Variants in SGK3 observed in about 807,000 individuals in gnomAD.
SGK3 encodes serum/glucocorticoid regulated kinase family member 3, also known as serine/threonine-protein kinase Sgk3.
Under a neutral mutation model 68.5 loss-of-function variants are expected in SGK3, and 47 were observed. That is an observed-to-expected ratio of 0.69 (90% CI 0.54 to 0.87). The LOEUF (loss-of-function observed/expected upper bound fraction) is 0.87, where lower values mean the gene tolerates loss of function less well. Among genes scored for constraint, SGK3 ranks in the 40% least tolerant of loss-of-function variants. SGK3 has a pLI of 0.00. For missense variants in SGK3, 479 were observed against 575.5 expected (o/e 0.83, Z 1.72); for synonymous variants, 181 against 189.1 (o/e 0.96, Z 0.35).
chr8:66,791,864 T>C (rs907233085), intron 1 of SGK3, among the ~76,000 whole-genome samples: 2 of 152,200 alleles, frequency 1.3e-5, no homozygotes, highest in Non-Finnish European at 2.9e-5. Context: ...AGTAGATTGC[T>C]GTGACAGGTG....
At chr8:66,742,098 A>C (rs1392715195) in intron 1 of SGK3, among the ~76,000 whole-genome samples, 1 of 152,204 alleles carries the variant, frequency 6.6e-6, no homozygotes, top group Non-Finnish European at 1.5e-5. Context: ...CCAGATGCTT[A>C]AAAAAGTGGG....
rs563158986 is a variant in SGK3 at position 66,733,928 on chromosome 8, A to G, written c.-122+21095A>G. Among the ~76,000 whole-genome samples the G allele has an allele frequency of 4.6e-5, 7 of 152,344 alleles. No individual in the cohort carries two copies. The South Asian group carries it at 6.2e-4, about 14-fold the overall frequency. On this transcript the variant is annotated intron_variant, in intron 1 of 16. Coordinates refer to ENST00000521198, the MANE Select transcript of SGK3 (RefSeq NM_001033578.3). ...TTGCTATGAATCCAAGAATTATTCT[A>G]CATGAACCAGAGAACAGTAATGCAG...
Position 66,793,684 on chromosome 8 carries a change from C to T in SGK3, c.-53C>T. The T allele has an allele frequency of 6.4e-7, 1 of 1,565,518 alleles. No individual in the cohort carries two copies. Among genetic ancestry groups the T allele is most frequent in the East Asian group, 2.3e-5 (1 of 42,830 alleles). On this transcript the variant is annotated 5_prime_UTR_variant, in exon 2 of 17. Transcript: ENST00000521198. ...TTTGGATTAGTTAATTGGGTTTGTC[C>T]TCTGCTGACTGTTTCTTCGGATGCA...
intron 1 of SGK3, among the ~76,000 whole-genome samples, chr8:66,732,671 C>T (rs1048047591): frequency 5.3e-5 from 8 of 151,956 alleles, no homozygotes; most frequent in Non-Finnish European, 7.4e-5. Flanking sequence ...ATGGCAAAAC[C>T]TCCTCTCTAC....
intron 1 of SGK3, among the ~76,000 whole-genome samples, chr8:66,774,323 A>G (rs1350328335): frequency 6.6e-6 from 1 of 151,926 alleles, no homozygotes; most frequent in Non-Finnish European, 1.5e-5. Flanking sequence ...TGCCATATTC[A>G]TTAGTTACAT....
At chr8:66,807,645 A>T (rs1185377867) in intron 4 of SGK3, among the ~76,000 whole-genome samples, 1 of 152,220 alleles carries the variant, frequency 6.6e-6, no homozygotes, top group Non-Finnish European at 1.5e-5. Flanking sequence ...TCATTTGGTT[A>T]TACTTTGGGG....
chr8:66,853,682 GGTAAAAT>G (rs1810389770), intron 16 of SGK3, among the ~76,000 whole-genome samples: 1 of 152,010 alleles, frequency 6.6e-6, no homozygotes, highest in African/African-American at 2.4e-5. Flanking sequence ...GTTTACAATG[GGTAAAAT>G]GCATTCTGGA....
chr8:66,791,738 T>G (rs899665149), intron 1 of SGK3, among the ~76,000 whole-genome samples: 1 of 152,110 alleles, frequency 6.6e-6, no homozygotes, highest in Non-Finnish European at 1.5e-5. Flanking sequence ...ACCTTCACCT[T>G]CTGAATGTCT....
At chr8:66,810,170 GT>G (rs1315197543) in intron 4 of SGK3, among the ~76,000 whole-genome samples, 4 of 151,020 alleles carry the variant, frequency 2.6e-5, no homozygotes, top group East Asian at 1.9e-4. Context: ...TGGCTTTACT[GT>G]TTTTTTAAAG....
chr8:66,839,595 T>A (rs1809714192), intron 10 of SGK3, among the ~76,000 whole-genome samples: 1 of 136,812 alleles, frequency 7.3e-6, no homozygotes, highest in African/African-American at 2.7e-5. Context: ...TGGGCTCTAG[T>A]TTTTAATCTC....
chr8:66,748,789 G>T (rs1374471744), intron 1 of SGK3, among the ~76,000 whole-genome samples: 7 of 152,064 alleles, frequency 4.6e-5, no homozygotes, highest in Non-Finnish European at 1.5e-5. Context: ...TTAAAAAGAT[G>T]GTGGACTCAT....
In SGK3 at chr8:66,809,441, G is replaced by A. The variant is rs188917680; in HGVS notation, c.254-4412G>A. ...AAAAGAACACAGGAGCCCAGTTGTC[G>A]GGGCTTTCACTGAGCAAAGATTAGA... is the stretch of plus-strand genomic sequence containing the variant. On this transcript the variant is annotated intron_variant, in intron 4 of 16. Transcript: ENST00000521198. Among the ~76,000 whole-genome samples, 7 of 152,168 alleles carry A rather than the reference G, an allele frequency of 4.6e-5. No homozygotes were observed. The East Asian group carries it at 7.7e-4, about 17-fold the overall frequency.
chr8:66,719,961 T>C (rs1804751272), intron 1 of SGK3, among the ~76,000 whole-genome samples: 1 of 152,256 alleles, frequency 6.6e-6, no homozygotes, highest in South Asian at 2.1e-4. Flanking sequence ...TTATACAGGC[T>C]TGCTTTGTTG....
intron 1 of SGK3, among the ~76,000 whole-genome samples, chr8:66,745,471 G>A (rs1805626482): frequency 6.6e-6 from 1 of 152,166 alleles, no homozygotes; most frequent in Non-Finnish European, 1.5e-5. Flanking sequence ...CTACTCGGGA[G>A]GCTGAGGCAG....
At chr8:66,840,747 G>A in intron 12 of SGK3, 1 of 230,084 alleles carries the variant, frequency 4.3e-6, no homozygotes, top group Non-Finnish European at 8.4e-6. Flanking sequence ...CACTTGAGGT[G>A]GCACGCCTGG....
intron 1 of SGK3, among the ~76,000 whole-genome samples, chr8:66,731,304 T>C (rs1403458122): frequency 2.0e-5 from 3 of 152,170 alleles, no homozygotes; most frequent in Non-Finnish European, 4.4e-5. Context: ...AGTTGGTTTA[T>C]AGTGTTGTTC....
intron 4 of SGK3, among the ~76,000 whole-genome samples, chr8:66,810,931 A>G (rs898161316): frequency 1.1e-4 from 16 of 152,254 alleles, no homozygotes; most frequent in Admixed American, 9.8e-4. Flanking sequence ...TTTAAGAATG[A>G]TCTCTGCCTG....
intron 2 of SGK3, among the ~76,000 whole-genome samples, chr8:66,794,917 A>C (rs924997870): frequency 6.6e-6 from 1 of 152,180 alleles, no homozygotes; most frequent in African/African-American, 2.4e-5. Flanking sequence ...GCAGTTGATG[A>C]ACTAACCTGT....
rs140617782 is a variant in SGK3 at position 66,825,721 on chromosome 8, A to C, written c.418-2933A>C. On this transcript the variant is annotated intron_variant, in intron 6 of 16. Transcript: ENST00000521198. ...GAAAAATAGAGGCCAAGGGAAGTCA[A>C]GAAACTTAAATGATCTCAATTAGTA... Among the ~76,000 whole-genome samples the C allele has an allele frequency of 6.6e-5, 10 of 152,346 alleles. No homozygotes were observed. In the East Asian group the frequency reaches 1.3e-3, roughly 21 times the overall value.
Sources: gnomAD v4.1 joint callset for allele counts (sites outside exome capture counted in the v4.1 genomes callset) on GRCh38, gnomAD v4.1.1 for gene constraint, MANE v1.5 for transcripts, NCBI Gene and HGNC (gene_info 2026-07-23, HGNC 2026-07-21) for gene names.